The following BLTP1 variants were observed in gnomAD, a reference collection of about 807,000 sequenced individuals.
BLTP1 encodes fragile site-associated protein.
the BLTP1 span, among the ~76,000 whole-genome samples, chr4:122,308,893 G>A: frequency 6.6e-6 from 1 of 152,034 alleles, no homozygotes; most frequent in African/African-American, 2.4e-5. Context: ...TTGAGGATGG[G>A]TGGCATTGGT....
At chr4:122,187,364 G>A in the BLTP1 span, 2 of 1,591,620 alleles carry the variant, frequency 1.3e-6, no homozygotes, top group Non-Finnish European at 1.7e-6. Context: ...GTATTGTGAG[G>A]AAGTGAACTA....
the BLTP1 span, chr4:122,336,040 A>G: frequency 4.1e-5 from 24 of 580,706 alleles, no homozygotes; most frequent in African/African-American, 4.1e-4. Flanking sequence ...TAACATTAAC[A>G]TATCATTCCT....
chr4:122,341,149 T>G, the BLTP1 span, among the ~76,000 whole-genome samples: 1 of 152,120 alleles, frequency 6.6e-6, no homozygotes, highest in African/African-American at 2.4e-5. Flanking sequence ...GTAAATATTT[T>G]TAAACAAAGA....
chr4:122,362,199 A>G, the BLTP1 span: 11 of 1,613,454 alleles, frequency 6.8e-6, no homozygotes, highest in Non-Finnish European at 9.3e-6. Flanking sequence ...TCGGTACTGC[A>G]CTACAGGATG....
At chr4:122,208,708 A>G in the BLTP1 span, 12 of 943,362 alleles carry the variant, frequency 1.3e-5, no homozygotes, top group South Asian at 1.5e-4. Flanking sequence ...GTTTTAGTCA[A>G]TGTAAAATCT....
chr4:122,219,111 A>ATTGCTGTCC, the BLTP1 span: 1 of 982,404 alleles, frequency 1.0e-6, no homozygotes, highest in African/African-American at 1.7e-5. Context: ...GTTTTTCTAT[A>ATTGCTGTCC]AAATAGGCTC....
chr4:122,182,064 A>G, the BLTP1 span, among the ~76,000 whole-genome samples: 1 of 152,220 alleles, frequency 6.6e-6, no homozygotes, highest in East Asian at 1.9e-4. Flanking sequence ...AGCCAAAAAC[A>G]ATTTAAATAT....
Sources: gnomAD v4.1 joint callset for allele counts (sites outside exome capture counted in the v4.1 genomes callset) on GRCh38, gnomAD v4.1.1 for gene constraint, MANE v1.5 for transcripts, NCBI Gene and HGNC (gene_info 2026-07-23, HGNC 2026-07-21) for gene names.